Variants in SYNE1 observed in about 807,000 individuals in gnomAD.
SYNE1 encodes the protein spectrin repeat containing nuclear envelope protein 1.
SYNE1 carries 616 observed loss-of-function variants against 1,111.0 expected under a neutral mutation model. The observed-to-expected ratio is 0.55, with a 90% CI of 0.52 to 0.59. The LOEUF is 0.59. Among genes scored for constraint, SYNE1 ranks in the 20% least tolerant of loss-of-function variants. The pLI is 0.00. For missense variants in SYNE1, 10,006 were observed against 10,417.0 expected (o/e 0.96, Z 1.72); for synonymous variants, 3,855 against 3,825.8 (o/e 1.01, Z -0.28).
intron 78 of SYNE1, among the ~76,000 whole-genome samples, chr6:152,327,624 A>G (rs1213281067): frequency 6.6e-6 from 1 of 152,236 alleles, no homozygotes; most frequent in African/African-American, 2.4e-5. Context: ...ACAGCAAAGC[A>G]TAGAATCAGC....
chr6:152,236,151 A>C lies in SYNE1; in HGVS notation c.20352T>G (p.Ser6784=). Residue 6784 remains serine, a synonymous_variant, in exon 110 of 146, where the codon TCT becomes TCG. Coordinates refer to ENST00000367255, the MANE Select transcript of SYNE1 (RefSeq NM_182961.4). ...ECWLSNTNKM[S]KELHRLETIL... ...TTGTTTCCAGTCTGTGAAGTTCCTT[A>C]GACATTTTATTGGTGTTACTTAGCC... 1 of 1,614,214 alleles carries C rather than the reference A, an allele frequency of 6.2e-7. No homozygotes were observed. Among genetic ancestry groups the C allele is most frequent in the South Asian group, 1.1e-5 (1 of 91,082 alleles).
At chr6:152,442,791 A>T (rs1352664655) in intron 30 of SYNE1, among the ~76,000 whole-genome samples, 3 of 152,102 alleles carry the variant, frequency 2.0e-5, no homozygotes, top group African/African-American at 7.2e-5. Flanking sequence ...CAAAAATATT[A>T]AAAAATTAGC....
intron 98 of SYNE1, 98 bp from the exon 99 acceptor site, chr6:152,269,384 C>A: frequency 6.3e-7 from 1 of 1,589,490 alleles, no homozygotes; most frequent in Non-Finnish European, 8.6e-7. Flanking sequence ...TGTAATGATA[C>A]CAAAGTGGCT....
rs1022308219 is a variant in SYNE1, at chr6:152,461,643, T to C, written c.2348A>G (p.Lys783Arg). ...ITKESPQEEGKEMFATMSKLK... is the reference protein window; with the variant it reads ...ITKESPQEEGREMFATMSKLK... ...CTTTGACATGGTCGCAAACATTTCTTTTCCTTCTTCTTGGGGGCTTTCTTT... is the reference window on the plus strand; with the variant it reads ...CTTTGACATGGTCGCAAACATTTCTCTTCCTTCTTCTTGGGGGCTTTCTTT... Residue 783 changes from lysine to arginine, a missense_variant, in exon 21 of 146, where the codon AAA becomes AGA. By Grantham distance (26) the Lys-to-Arg change is conservative (BLOSUM62 2). Coordinates refer to ENST00000367255, the MANE Select transcript of SYNE1 (RefSeq NM_182961.4). 3 of 1,613,920 alleles carry C rather than the reference T, an allele frequency of 1.9e-6. No homozygotes were observed. Among genetic ancestry groups the C allele is most frequent in the African/African-American group, 2.7e-5 (2 of 74,904 alleles).
At chr6:152,465,175 G>T in intron 18 of SYNE1, 83 bp downstream of exon 18, 1 of 1,455,876 alleles carries the variant, frequency 6.9e-7, no homozygotes. Flanking sequence ...AAATATATGC[G>T]ACCCCCTAGT....
intron 127 of SYNE1, among the ~76,000 whole-genome samples, chr6:152,193,726 T>C (rs1356780275): frequency 6.6e-6 from 1 of 152,128 alleles, no homozygotes; most frequent in African/African-American, 2.4e-5. Flanking sequence ...GTATAGTTTA[T>C]ACAGGCCAGG....
At chr6:152,143,836 G>A (rs951408107) in intron 137 of SYNE1, 71 bp from the exon 138 acceptor site, 2 of 1,606,348 alleles carry the variant, frequency 1.2e-6, no homozygotes. Context: ...TATTCAAGGA[G>A]AAGTTTCAGA....
chr6:152,388,155 T>C (rs2097551273), intron 53 of SYNE1, among the ~76,000 whole-genome samples: 1 of 152,210 alleles, frequency 6.6e-6, no homozygotes, highest in Admixed American at 6.5e-5. Flanking sequence ...AAACTGTTGC[T>C]TTTGCATCTT....
chr6:152,135,771 T>C (rs2056927112), intron 141 of SYNE1, among the ~76,000 whole-genome samples: 1 of 152,210 alleles, frequency 6.6e-6, no homozygotes, highest in Non-Finnish European at 1.5e-5. Flanking sequence ...GGGGCACATA[T>C]AAACCTGGAG....
chr6:152,425,605 T>G (rs1251484868), intron 38 of SYNE1, 58 bp from the exon 39 acceptor site: 1 of 1,600,316 alleles, frequency 6.2e-7, no homozygotes, highest in Admixed American at 1.7e-5. Flanking sequence ...GTAAGGACCA[T>G]GCGGCACAGG....
chr6:152,374,922 A>ATTATTTTATTTTATT (rs140950913), intron 58 of SYNE1, among the ~76,000 whole-genome samples: 31 of 149,778 alleles, frequency 2.1e-4, no homozygotes, highest in African/African-American at 7.5e-4. Context: ...TTTTTAGTTT[A>ATTATTTTATTTTATT]TTATTTTATT....
At chr6:152,354,410 A>T (rs929673390) in intron 67 of SYNE1, among the ~76,000 whole-genome samples, 1 of 152,216 alleles carries the variant, frequency 6.6e-6, no homozygotes, top group Non-Finnish European at 1.5e-5. Flanking sequence ...TATCTTCACA[A>T]AACAAGGTAA....
At chr6:152,630,183 T>C (rs374385075) in intron 2 of SYNE1, among the ~76,000 whole-genome samples, 22 of 150,426 alleles carry the variant, frequency 1.5e-4, no homozygotes, top group African/African-American at 4.4e-4. Flanking sequence ...CCATGTGCAA[T>C]GCATCAGAAG....
At chr6:152,160,017 C>CT (rs1182679497) in intron 131 of SYNE1, among the ~76,000 whole-genome samples, 51 of 150,802 alleles carry the variant, frequency 3.4e-4, no homozygotes, top group Admixed American at 3.0e-3. Context: ...TGTTTCTTTT[C>CT]TTTTTTTTTA....
intron 14 of SYNE1, among the ~76,000 whole-genome samples, chr6:152,478,329 G>A (rs2098847257): frequency 6.6e-6 from 1 of 152,176 alleles, no homozygotes; most frequent in Admixed American, 6.6e-5. Context: ...GAGGGGAAGT[G>A]GGGCTAAGAA....
intron 25 of SYNE1, among the ~76,000 whole-genome samples, chr6:152,452,315 GT>G (rs1564127177): frequency 6.6e-6 from 1 of 152,030 alleles, no homozygotes; most frequent in East Asian, 1.9e-4. Context: ...GTGTGTGTGT[GT>G]GTGTAATAAA....
Position 152,539,995 on chromosome 6 carries a change from T to G in SYNE1, c.94A>C (p.Thr32Pro). ...QDEQEIVQKR[T>P]FTKWINSHLA... ...TGAGAGTTGATCCATTTTGTGAAAGTTCGTTTTTGTACTATCTCTTGCTCA... is the reference window on the plus strand; with the variant it reads ...TGAGAGTTGATCCATTTTGTGAAAGGTCGTTTTTGTACTATCTCTTGCTCA... Residue 32 changes from threonine to proline, a missense_variant, in exon 4 of 146, where the codon ACT becomes CCT. By Grantham distance (38) the Thr-to-Pro change is conservative. Coordinates refer to ENST00000367255, the MANE Select transcript of SYNE1 (RefSeq NM_182961.4). The G allele has an allele frequency of 6.2e-7, 1 of 1,613,934 alleles. No homozygotes were observed. Among genetic ancestry groups the G allele is most frequent in the Non-Finnish European group, 8.5e-7 (1 of 1,179,908 alleles).
At chr6:152,599,184 A>T (rs1409358242) in intron 3 of SYNE1, among the ~76,000 whole-genome samples, 1 of 152,344 alleles carries the variant, frequency 6.6e-6, no homozygotes, top group Admixed American at 6.5e-5. Flanking sequence ...GAGTCCTCAA[A>T]TGATCACCAA....
At chr6:152,479,689 G>A (rs1225124563) in intron 14 of SYNE1, among the ~76,000 whole-genome samples, 1 of 152,102 alleles carries the variant, frequency 6.6e-6, no homozygotes, top group African/African-American at 2.4e-5. Flanking sequence ...ATAATAGTTG[G>A]CTATGGTTAT....
Sources: allele counts gnomAD v4.1 joint callset (sites outside exome capture counted in the v4.1 genomes callset), GRCh38; gene constraint gnomAD v4.1.1; transcripts MANE v1.5; gene names NCBI Gene and HGNC (gene_info 2026-07-23, HGNC 2026-07-21).